The following TEAD4 variants were observed in gnomAD, a reference collection of about 807,000 sequenced individuals.
TEAD4 encodes the protein transcriptional enhancer factor TEF-3.
A neutral mutation model predicts 52.4 loss-of-function variants in TEAD4; 36 were observed. That is an observed-to-expected ratio of 0.69 (90% CI 0.53 to 0.91). The LOEUF (loss-of-function observed/expected upper bound fraction) is 0.91. Among genes scored for constraint, TEAD4 ranks in the 40% least tolerant of loss-of-function variants. The pLI is 0.00. For synonymous variants in TEAD4, 220 were observed against 231.0 expected (o/e 0.95, Z 0.43); for missense variants, 508 against 583.9 (o/e 0.87, Z 1.34).
intron 10 of TEAD4, among the ~76,000 whole-genome samples, chr12:3,030,313 G>A (rs529550852): frequency 4.6e-5 from 7 of 152,112 alleles, no homozygotes. Context: ...ATGGGATTAC[G>A]GGCAGGAGCC....
chr12:2,968,902 A>G (rs2153952573), intron 2 of TEAD4, among the ~76,000 whole-genome samples: 2 of 152,154 alleles, frequency 1.3e-5, no homozygotes, highest in South Asian at 4.2e-4. Context: ...GCGATCCTCC[A>G]GCTTCAGCCT....
At position 3,040,553 on chromosome 12, in the gene TEAD4, G is replaced by A; in HGVS notation, c.*75G>A. On this transcript the variant is annotated 3_prime_UTR_variant, in exon 13 of 13. Transcript: ENST00000359864. The stretch of plus-strand genomic sequence containing the variant: ...GGACGTGGGGAGGGGACCTGCAGGG[G>A]CAGCCCCCTGAAGTGCCAAGAGAGC... The A allele has an allele frequency of 7.4e-7, 1 of 1,345,166 alleles. No homozygotes were observed. The allele number at this position is 1,345,166 out of a possible 1,614,324, so 83.3% of individuals were successfully genotyped here.
intron 2 of TEAD4, among the ~76,000 whole-genome samples, chr12:2,993,279 C>T (rs1464564871): frequency 6.6e-6 from 1 of 152,140 alleles, no homozygotes; most frequent in Non-Finnish European, 1.5e-5. Context: ...CTCCCACGAG[C>T]TCCTGGTAAC....
rs776863179 is a variant in TEAD4 at position 3,040,149 on chromosome 12, A to T, written c.1081A>T (p.Ile361Phe). The change falls in exon 12 of 13, where the codon ATC becomes TTC. Residue 361 changes from isoleucine (I) to phenylalanine (F), a missense_variant. Physicochemically the swap from Ile to Phe is conservative, Grantham distance 21 (BLOSUM62 0). Coordinates refer to ENST00000359864, the MANE Select transcript of TEAD4 (RefSeq NM_003213.4). The stretch of plus-strand genomic sequence containing the variant: ...TGAGAATGGACACTACTCTTACCGC[A>T]TCCACCGGTCCCCGCTCTGTGAGTA... 4.3e-6 allele frequency: 7 copies of T among 1,614,166 alleles called. No homozygotes were observed. Among genetic ancestry groups the T allele is most frequent in the Non-Finnish European group, 5.1e-6 (6 of 1,180,034 alleles).
chr12:2,980,802 TGTAATCCCA>T (rs2098233563), intron 2 of TEAD4, among the ~76,000 whole-genome samples: 1 of 151,820 alleles, frequency 6.6e-6, no homozygotes, highest in South Asian at 2.1e-4. Flanking sequence ...GACTCACGCC[TGTAATCCCA>T]GCAGTTTGGG....
chr12:2,995,164 A>T (rs991184546), intron 3 of TEAD4, among the ~76,000 whole-genome samples, 172 bp downstream of exon 3: 12 of 151,472 alleles, frequency 7.9e-5, no homozygotes, highest in African/African-American at 2.9e-4. Context: ...TCTGAGGAGA[A>T]GCCTGTGAGG....
intron 3 of TEAD4, among the ~76,000 whole-genome samples, chr12:3,003,037 C>T (rs2098252913): frequency 6.6e-6 from 1 of 152,182 alleles, no homozygotes; most frequent in Non-Finnish European, 1.5e-5. Context: ...ACCCCCAACA[C>T]ACACACCCTG....
At chr12:2,974,923 C>G in intron 2 of TEAD4, among the ~76,000 whole-genome samples, 1 of 152,212 alleles carries the variant, frequency 6.6e-6, no homozygotes. Context: ...TAGTCACTCC[C>G]GGGCTAAATC....
At chr12:3,013,011 A>G (rs1004488905) in intron 5 of TEAD4, among the ~76,000 whole-genome samples, 24 of 152,298 alleles carry the variant, frequency 1.6e-4, no homozygotes, top group Admixed American at 1.4e-3. Context: ...CAGTGCAGTG[A>G]CGCAGTCATA....
intron 2 of TEAD4, among the ~76,000 whole-genome samples, chr12:2,962,284 ATT>A (rs1247621712): frequency 5.2e-5 from 7 of 135,040 alleles, no homozygotes; most frequent in Non-Finnish European, 1.1e-4. Context: ...ATTTATATAT[ATT>A]TATTTATATA....
chr12:2,974,029 A>ATTTTTCTTTTTT (rs2098227399), intron 2 of TEAD4, among the ~76,000 whole-genome samples: 1 of 151,940 alleles, frequency 6.6e-6, no homozygotes, highest in Admixed American at 6.5e-5. Context: ...TTTTTCTGAG[A>ATTTTTCTTTTTT]CGGAGTCTCA....
rs73246935 is a variant in TEAD4 at position 2,960,989 on chromosome 12, C to T, written c.-30+949C>T. On this transcript the variant is annotated intron_variant, in intron 2 of 12. Coordinates refer to ENST00000359864, the MANE Select transcript of TEAD4 (RefSeq NM_003213.4). ...CTCTTGGAGCCAGGAGGCTGACTTT[C>T]TCAGGGCGAGGGTCTTGTGCTTGCC... is the stretch of plus-strand genomic sequence containing the variant. Among the ~76,000 whole-genome samples the T allele has an allele frequency of 6.6e-5, 10 of 152,032 alleles. No individual in the cohort carries two copies. In the South Asian group the frequency reaches 1.5e-3, roughly 22 times the overall value.
At chr12:3,028,820 G>A (rs190628155) in intron 10 of TEAD4, among the ~76,000 whole-genome samples, 8 of 152,078 alleles carry the variant, frequency 5.3e-5, no homozygotes, top group East Asian at 3.9e-4. Context: ...TGGTAAAGGC[G>A]GGGTTTTACC....
intron 2 of TEAD4, among the ~76,000 whole-genome samples, chr12:2,972,664 T>C (rs1282539192): frequency 4.6e-5 from 7 of 152,030 alleles, no homozygotes; most frequent in African/African-American, 1.4e-4. Context: ...CATACTCCGC[T>C]AATTTTTTGT....
chr12:3,039,623 G>A (rs998314943), intron 11 of TEAD4, among the ~76,000 whole-genome samples: 3 of 152,084 alleles, frequency 2.0e-5, no homozygotes, highest in Non-Finnish European at 4.4e-5. Flanking sequence ...TGCCATCCCC[G>A]GTTCCTGCTG....
Position 2,994,106 on chromosome 12 carries a change from GCT to G in TEAD4, c.-29-629_-29-628del, listed in dbSNP as rs2098245282. ...CCCAGGTATTGGGTCATATGGTCTT[GCT>G]CTGTCACCCAGGCTGGAGTGTAGTG... On this transcript the variant is annotated intron_variant, in intron 2 of 12. Transcript: ENST00000359864. The surrounding 1 kb of genome is among the most constrained non-coding windows in gnomAD (Gnocchi z 4.7). Among the ~76,000 whole-genome samples the G allele has an allele frequency of 6.6e-6, 1 of 152,162 alleles. No individual in the cohort carries two copies. The highest frequency in any genetic ancestry group is 1.5e-5 in the Non-Finnish European group (1 of 68,026).
At chr12:3,007,618 C>T (rs1000704418) in intron 3 of TEAD4, among the ~76,000 whole-genome samples, 1 of 152,240 alleles carries the variant, frequency 6.6e-6, no homozygotes, top group South Asian at 2.1e-4. Context: ...ACAAACTGTA[C>T]ATGCTTAAAG....
chr12:3,025,269 T>A (rs1469788942), intron 10 of TEAD4, among the ~76,000 whole-genome samples: 2 of 152,198 alleles, frequency 1.3e-5, no homozygotes, highest in Non-Finnish European at 2.9e-5. Context: ...AGGCTTGCCC[T>A]ACAGTTGTCA....
chr12:3,012,262 T>C, intron 5 of TEAD4, 30 bp downstream of exon 5: 1 of 1,610,652 alleles, frequency 6.2e-7, no homozygotes. Context: ...GGTGCTGGAG[T>C]GGCCAGGAGT....
Sources: gnomAD v4.1 joint callset for allele counts (sites outside exome capture counted in the v4.1 genomes callset) on GRCh38, gnomAD v4.1.1 for gene constraint, Gnocchi (gnomAD v3.1) non-coding constraint, MANE v1.5 for transcripts, NCBI Gene and HGNC (gene_info 2026-07-23, HGNC 2026-07-21) for gene names.